FYN: variants seen among roughly 807,000 people sequenced by gnomAD.
FYN encodes tyrosine-protein kinase Fyn.
In FYN, 10 loss-of-function variants were observed where a neutral mutation model predicts 70.2. The ratio of observed to expected loss-of-function variants is 0.14; its 90% CI spans 0.09 to 0.24. FYN has a LOEUF of 0.24. Ranked by LOEUF, FYN falls within the 10% of genes least tolerant of loss-of-function variation. The probability of loss-of-function intolerance (pLI) is 1.00; values close to 1 mark genes in which losing one functional copy is unlikely to be tolerated. For missense variants in FYN, 319 were observed against 673.1 expected (o/e 0.47, Z 5.82); for synonymous variants, 236 against 248.6 (o/e 0.95, Z 0.48).
At chr6:111,774,217 G>C (rs1376617946) in intron 3 of FYN, among the ~76,000 whole-genome samples, 1 of 152,154 alleles carries the variant, frequency 6.6e-6, no homozygotes, top group African/African-American at 2.4e-5. Context: ...CTGATGCCTG[G>C]GGCAGCAATC....
chr6:111,747,863 C>T (rs1431904943), intron 3 of FYN, among the ~76,000 whole-genome samples: 2 of 152,208 alleles, frequency 1.3e-5, no homozygotes, highest in African/African-American at 4.8e-5. Context: ...ATGCTTCATG[C>T]TTCATTCTTA....
At chr6:111,730,623 G>A (rs1801404975) in intron 3 of FYN, among the ~76,000 whole-genome samples, 1 of 152,118 alleles carries the variant, frequency 6.6e-6, no homozygotes, top group African/African-American at 2.4e-5. Context: ...CTTTCCTGTT[G>A]GGACACTGAG....
intron 2 of FYN, among the ~76,000 whole-genome samples, chr6:111,832,064 T>C (rs184176133): frequency 3.0e-4 from 45 of 152,238 alleles, no homozygotes; most frequent in African/African-American, 9.9e-4. Context: ...AAGTGCTGCT[T>C]GTTGAATATC....
In FYN at chr6:111,873,095, G is replaced by A. The variant is rs1489562533; in HGVS notation, c.-250C>T. Reference sequence around the variant, plus strand: ...CCGGTGGGCCTTCCGAGAGCACCGAGGGGGCGGCGCCGGGGTGTCCCCGGC... The same window carrying A: ...CCGGTGGGCCTTCCGAGAGCACCGAAGGGGCGGCGCCGGGGTGTCCCCGGC... On this transcript the variant is annotated 5_prime_UTR_variant, in exon 1 of 14. Transcript: ENST00000354650. 1 of 147,414 alleles carries A rather than the reference G, an allele frequency of 6.8e-6. No individual in the cohort carries two copies. The highest frequency in any genetic ancestry group is 2.5e-5 in the African/African-American group (1 of 40,666). 9.1% of individuals were successfully genotyped at this position (147,414 alleles called of 1,614,324 possible). A position where few individuals can be genotyped will look rare whatever the true frequency, so the allele number is the denominator to read the frequency against.
chr6:111,844,648 C>T (rs1022993549), intron 2 of FYN: 2 of 152,216 alleles, frequency 1.3e-5, no homozygotes, highest in African/African-American at 4.8e-5. Context: ...GCATTTCTAC[C>T]CGTTTAGCTT....
chr6:111,734,095 A>G (rs1253390366), intron 3 of FYN, among the ~76,000 whole-genome samples: 1 of 152,176 alleles, frequency 6.6e-6, no homozygotes, highest in African/African-American at 2.4e-5. Flanking sequence ...TCAAACAAAC[A>G]AAAAACAAAC....
chr6:111,690,532 T>A (rs1799271676), intron 12 of FYN, among the ~76,000 whole-genome samples: 1 of 152,230 alleles, frequency 6.6e-6, no homozygotes, highest in Admixed American at 6.5e-5. Flanking sequence ...TATCTTTGAT[T>A]CTTCTCTCCC....
At chr6:111,779,120 C>CT (rs776994144) in intron 3 of FYN, among the ~76,000 whole-genome samples, 4,150 of 112,192 alleles carry the variant, frequency 0.037, 232 homozygotes, top group African/African-American at 0.12. Flanking sequence ...CAGTAGGAGA[C>CT]ATTTTTTTTT....
intron 2 of FYN, among the ~76,000 whole-genome samples, chr6:111,781,239 C>CG (rs1562518691): frequency 1.3e-5 from 2 of 152,268 alleles, no homozygotes; most frequent in African/African-American, 4.8e-5. Flanking sequence ...CCCAGTCCCT[C>CG]GGGCCTGTAA....
chr6:111,844,830 C>A (rs1391370230), intron 2 of FYN: 2 of 152,174 alleles, frequency 1.3e-5, no homozygotes, highest in African/African-American at 4.8e-5. Context: ...TAATTCAAGA[C>A]CCAAGTCAGA....
intron 2 of FYN, among the ~76,000 whole-genome samples, chr6:111,792,735 T>A (rs9481189): frequency 6.6e-6 from 1 of 152,100 alleles, no homozygotes; most frequent in East Asian, 1.9e-4. Context: ...GGCTGTCCCC[T>A]AGTCTTGCGG....
At chr6:111,791,470 A>G (rs1163629337) in intron 2 of FYN, among the ~76,000 whole-genome samples, 1 of 152,174 alleles carries the variant, frequency 6.6e-6, no homozygotes, top group African/African-American at 2.4e-5. Context: ...TGCAGATATG[A>G]TTAGTTAAGA....
chr6:111,871,433 G>A (rs536373462), intron 1 of FYN, among the ~76,000 whole-genome samples: 2 of 152,330 alleles, frequency 1.3e-5, no homozygotes, highest in South Asian at 4.1e-4. Context: ...AAAGGAAGTA[G>A]GCGTCCCAAG....
chr6:111,871,209 T>C (rs1202178222), intron 1 of FYN, among the ~76,000 whole-genome samples: 3 of 152,236 alleles, frequency 2.0e-5, no homozygotes, highest in African/African-American at 7.2e-5. Flanking sequence ...TTAACATTTC[T>C]TCCTTAAAGG....
At chr6:111,831,262 T>G (rs1773008524) in intron 2 of FYN, among the ~76,000 whole-genome samples, 1 of 152,192 alleles carries the variant, frequency 6.6e-6, no homozygotes, top group Non-Finnish European at 1.5e-5. Context: ...TCTGTATTCA[T>G]TAACAAATTT....
intron 13 of FYN, among the ~76,000 whole-genome samples, chr6:111,662,836 G>C (rs1031172382): frequency 6.6e-6 from 1 of 152,208 alleles, no homozygotes; most frequent in Admixed American, 6.5e-5. Flanking sequence ...GAATTTGATG[G>C]GGAGATAGAC....
intron 2 of FYN, among the ~76,000 whole-genome samples, chr6:111,831,029 C>G (rs149217182): frequency 1.3e-5 from 2 of 152,086 alleles, no homozygotes; most frequent in Non-Finnish European, 2.9e-5. Flanking sequence ...AATAGGCACG[C>G]AGGGGTCTCA....
chr6:111,845,859 G>A (rs970235810), intron 2 of FYN, among the ~76,000 whole-genome samples: 2 of 152,176 alleles, frequency 1.3e-5, no homozygotes, highest in African/African-American at 2.4e-5. Flanking sequence ...GCAGAGAGAC[G>A]TACAGGCAGA....
chr6:111,806,299 T>C (rs963316996), intron 2 of FYN, among the ~76,000 whole-genome samples: 1 of 152,014 alleles, frequency 6.6e-6, no homozygotes, highest in Non-Finnish European at 1.5e-5. Flanking sequence ...AGCACATCAG[T>C]CTAGATGGCT....
Sources: allele counts gnomAD v4.1 joint callset (sites outside exome capture counted in the v4.1 genomes callset), GRCh38; gene constraint gnomAD v4.1.1; transcripts MANE v1.5; gene names NCBI Gene and HGNC (gene_info 2026-07-23, HGNC 2026-07-21).